The following MPDZ variants were observed in gnomAD, a reference collection of about 807,000 sequenced individuals.
The protein encoded by MPDZ is multiple PDZ domain protein.
In MPDZ, 234 loss-of-function variants were observed where a neutral mutation model predicts 239.1. That is an observed-to-expected ratio of 0.98 (90% CI 0.88 to 1.09). The LOEUF (loss-of-function observed/expected upper bound fraction) is 1.09. MPDZ is among the 50% of genes least tolerant of loss of function. The pLI is 0.00. For missense variants in MPDZ, 3,175 were observed against 2,510.0 expected, an observed-to-expected ratio of 1.26 and a Z score of -5.66; for synonymous variants, 1,048 against 881.3, an observed-to-expected ratio of 1.19 and a Z score of -3.35.
intron 20 of MPDZ, 59 bp downstream of exon 20, chr9:13,176,077 C>A: frequency 1.4e-6 from 2 of 1,479,822 alleles, no homozygotes; most frequent in Non-Finnish European, 1.8e-6. Flanking sequence ...GCCAGAATAA[C>A]CTTACTTCAC....
intron 19 of MPDZ, among the ~76,000 whole-genome samples, 173 bp downstream of exon 19, chr9:13,183,245 T>A (rs750892806): frequency 9.2e-5 from 14 of 152,178 alleles, no homozygotes; most frequent in Non-Finnish European, 1.6e-4. Flanking sequence ...ATCTGAAAGC[T>A]ATCCAACCAA....
chr9:13,238,396 C>T (rs1008636914), intron 3 of MPDZ, among the ~76,000 whole-genome samples: 3 of 152,178 alleles, frequency 2.0e-5, no homozygotes, highest in African/African-American at 4.8e-5. Flanking sequence ...GTCAAACCAA[C>T]CGGAGAGCCC....
At chr9:13,173,381 A>G (rs181902350) in intron 21 of MPDZ, among the ~76,000 whole-genome samples, 11 of 152,298 alleles carry the variant, frequency 7.2e-5, no homozygotes, top group African/African-American at 2.6e-4. Context: ...TGCTTTGACA[A>G]AATTCAGCAT....
In MPDZ at chr9:13,119,409, G is replaced by A. The variant is rs575322980; in HGVS notation, c.5379+93C>T. 532 of 1,414,204 alleles carry A rather than the reference G, an allele frequency of 3.8e-4. 6 individuals carry two copies. In the South Asian group the frequency reaches 6.1e-3, roughly 16 times the overall value. 87.6% of individuals were successfully genotyped at this position (1,414,204 alleles called of 1,614,324 possible). ...CTTGAGGTGACACTTTAAATAAAGA[G>A]AAGTCATTACTAATTTGACTATGAT... is the stretch of plus-strand genomic sequence containing the variant. On this transcript the variant is annotated intron_variant, in intron 39 of 46. Transcript: ENST00000319217.
chr9:13,267,942 C>G (rs1478032905), intron 1 of MPDZ, among the ~76,000 whole-genome samples: 1 of 152,096 alleles, frequency 6.6e-6, no homozygotes. Context: ...TTTTCCTTCA[C>G]GCACAAAGTA....
chr9:13,188,775 A>C lies in MPDZ; in HGVS notation c.2364+9T>G. 6.2e-7 allele frequency: 1 copy of C among 1,607,634 alleles called. No individual in the cohort carries two copies. The highest frequency in any genetic ancestry group is 8.5e-7 in the Non-Finnish European group (1 of 1,175,624). On this transcript the variant is annotated intron_variant, in intron 17 of 46. Transcript: ENST00000319217. ...ATATAAAGGGAAGCAATAAAGTCTG[A>C]ATTCTTACGGGTAAAGGCTTAGCAA...
Position 13,106,803 on chromosome 9 carries a change from A to T in MPDZ, c.*162T>A. ...GAAAAATGATGTTAGGTTGTCAGTA[A>T]GGAAAGCATTTCTAGATGAGAAAAA... is the stretch of plus-strand genomic sequence containing the variant. On this transcript the variant is annotated 3_prime_UTR_variant, in exon 47 of 47. Transcript: ENST00000319217. The T allele has an allele frequency of 1.4e-6, 1 of 696,310 alleles. No individual in the cohort carries two copies. The highest frequency in any genetic ancestry group is 2.3e-6 in the Non-Finnish European group (1 of 438,596). 43.1% of individuals were successfully genotyped at this position (696,310 alleles called of 1,614,324 possible).
Position 13,126,618 on chromosome 9 carries a change from T to G in MPDZ, c.4558-28A>C, listed in dbSNP as rs1442490276. 6.2e-6 allele frequency: 10 copies of G among 1,611,254 alleles called. No individual in the cohort carries two copies. In the East Asian group the frequency reaches 2.2e-4, roughly 36 times the overall value. On this transcript the variant is annotated intron_variant, in intron 33 of 46. Coordinates refer to ENST00000319217, the MANE Select transcript of MPDZ (RefSeq NM_001378778.1). ...AAATGGAAACGTAGAAGAATTTGAGTGATATTCCAAAAGTAATTCCCTCCC... is the reference window on the plus strand; with the variant it reads ...AAATGGAAACGTAGAAGAATTTGAGGGATATTCCAAAAGTAATTCCCTCCC...
intron 12 of MPDZ, among the ~76,000 whole-genome samples, chr9:13,198,737 C>G (rs10738328): frequency 0.096 from 6,638 of 69,312 alleles, 625 homozygotes; most frequent in African/African-American, 0.32. Context: ...ATCTCTCTCT[C>G]TGTGTGTGTG....
At chr9:13,114,140 A>C in intron 40 of MPDZ, 119 bp from the exon 41 acceptor site, 1 of 781,624 alleles carries the variant, frequency 1.3e-6, no homozygotes, top group Non-Finnish European at 2.1e-6. Flanking sequence ...GCATTTGATA[A>C]TTTGATGAGC....
chr9:13,271,295 C>T (rs1588246324), intron 1 of MPDZ, among the ~76,000 whole-genome samples: 1 of 152,216 alleles, frequency 6.6e-6, no homozygotes, highest in East Asian at 1.9e-4. Flanking sequence ...ATACAAAAGT[C>T]GGACTCACAC....
In MPDZ at chr9:13,217,185, T is replaced by C; in HGVS notation, c.1196A>G (p.Lys399Arg). The C allele has an allele frequency of 6.3e-7, 1 of 1,576,056 alleles. No homozygotes were observed. Among genetic ancestry groups the C allele is most frequent in the Non-Finnish European group, 8.6e-7 (1 of 1,158,396 alleles). ...ITIAGYIGDK[K>R]LEPSGIFVKS... ...TACTTAATGTTTAAAATTACCCAAT[T>C]TTTTATCTCCAATGTAGCCAGCAAT... The change falls in exon 9 of 47, where the codon AAA becomes AGA. Residue 399 changes from lysine to arginine, a missense_variant. By Grantham distance (26) the Lys-to-Arg change is conservative. Transcript: ENST00000319217.
At chr9:13,241,739 T>C (rs1265593600) in intron 3 of MPDZ, among the ~76,000 whole-genome samples, 1 of 152,196 alleles carries the variant, frequency 6.6e-6, no homozygotes, top group African/African-American at 2.4e-5. Flanking sequence ...CACTCTAAAA[T>C]GATAAATGTA....
At chr9:13,160,878 T>C (rs1394845994) in intron 23 of MPDZ, among the ~76,000 whole-genome samples, 1 of 40,068 alleles carries the variant, frequency 2.5e-5, no homozygotes, top group Non-Finnish European at 5.8e-5. Flanking sequence ...ATAAAACAGG[T>C]ACTTACATAG....
intron 30 of MPDZ, among the ~76,000 whole-genome samples, chr9:13,136,419 C>T (rs892480229): frequency 3.4e-5 from 5 of 147,100 alleles, no homozygotes; most frequent in African/African-American, 1.3e-4. Context: ...GCAACCTCCG[C>T]CTCCCAGGTT....
intron 41 of MPDZ, among the ~76,000 whole-genome samples, 152 bp from the exon 42 acceptor site, chr9:13,113,206 T>C (rs1056475827): frequency 6.6e-6 from 1 of 152,188 alleles, no homozygotes; most frequent in South Asian, 2.1e-4. Flanking sequence ...TGATTAGATC[T>C]GTCTTACACA....
intron 23 of MPDZ, among the ~76,000 whole-genome samples, chr9:13,159,062 G>GT (rs1249269929): frequency 1.3e-5 from 2 of 152,128 alleles, no homozygotes; most frequent in Non-Finnish European, 2.9e-5. Flanking sequence ...AAGAAAGTAT[G>GT]TAAAATTACA....
intron 43 of MPDZ, 52 bp downstream of exon 43, chr9:13,111,972 A>G (rs1942558388): frequency 6.3e-7 from 1 of 1,591,090 alleles, no homozygotes; most frequent in Non-Finnish European, 8.6e-7. Context: ...AGGTTTATAA[A>G]AACACTTCTG....
chr9:13,157,901 A>T (rs1950017000), intron 24 of MPDZ, 117 bp downstream of exon 24: 11 of 812,626 alleles, frequency 1.4e-5, no homozygotes, highest in Non-Finnish European at 2.1e-5. Flanking sequence ...TAGAAGTATT[A>T]AACAACTCAC....
Sources: allele counts gnomAD v4.1 joint callset (sites outside exome capture counted in the v4.1 genomes callset), GRCh38; gene constraint gnomAD v4.1.1; transcripts MANE v1.5; gene names NCBI Gene and HGNC (gene_info 2026-07-23, HGNC 2026-07-21).